DPEP1: variants seen among roughly 807,000 people sequenced by gnomAD.
DPEP1 encodes beta-lactamase.
A neutral mutation model predicts 42.3 loss-of-function variants in DPEP1; 50 were observed. The ratio of observed to expected loss-of-function variants is 1.18; its 90% confidence interval spans 0.94 to 1.50. The LOEUF is 1.50. DPEP1 is among the 40% of genes most tolerant of loss of function. The pLI is 0.00. For synonymous variants in DPEP1, 297 were observed against 234.0 expected, an observed-to-expected ratio of 1.27 and a Z score of -2.46; for missense variants, 663 against 553.0, an observed-to-expected ratio of 1.20 and a Z score of -1.99.
chr16:89,627,846 G>C (rs999159480), intron 1 of DPEP1, among the ~76,000 whole-genome samples: 5 of 151,696 alleles, frequency 3.3e-5, no homozygotes, highest in Non-Finnish European at 7.4e-5. Flanking sequence ...TTTTAGTAGA[G>C]AAGGGGTTTC....
chr16:89,616,488 C>A (rs914716915), intron 1 of DPEP1, among the ~76,000 whole-genome samples: 8 of 152,216 alleles, frequency 5.3e-5, no homozygotes, highest in African/African-American at 1.9e-4. Context: ...TCTGCATCCC[C>A]GGGGTGGTGA....
Position 89,637,894 on chromosome 16 carries a change from A to G in DPEP1, c.988A>G (p.Arg330Gly). 6.2e-7 allele frequency: 1 copy of G among 1,612,708 alleles called. No homozygotes were observed. The highest frequency in any genetic ancestry group is 8.5e-7 in the Non-Finnish European group (1 of 1,179,862). The change falls in exon 10 of 11, where the codon AGG (arginine) becomes GGG (glycine). Residue 330 changes from arginine to glycine, a missense_variant. By Grantham distance (125) the Arg-to-Gly change is moderately radical. Coordinates refer to ENST00000690203, the MANE Select transcript of DPEP1 (RefSeq NM_001389466.1). ...TCCAGACCTGATCGCTGAGCTGCTC[A>G]GGAGGAACTGGACGGAGGCGGAGGT... ...KYPDLIAELL[R>G]RNWTEAEVKG...
chr16:89,632,061 G>A (rs1458349793), intron 2 of DPEP1, among the ~76,000 whole-genome samples: 1 of 152,032 alleles, frequency 6.6e-6, no homozygotes, highest in Non-Finnish European at 1.5e-5. Context: ...GTTTTGTTTT[G>A]AGACAGAGTC....
In DPEP1 at chr16:89,633,266, C is replaced by G. The variant is rs111622508; in HGVS notation, c.105-2642C>G. On this transcript the variant is annotated intron_variant, in intron 2 of 10. Coordinates refer to ENST00000690203, the MANE Select transcript of DPEP1 (RefSeq NM_001389466.1). The stretch of plus-strand genomic sequence containing the variant: ...GGGCTGGGGAGAGGCCCGTGCCAGC[C>G]CAGGCTGTCATGTGGACTCGCTGTG... Among the ~76,000 whole-genome samples, 1,268 of 152,342 alleles carry G rather than the reference C, an allele frequency of 8.3e-3. 18 individuals carry two copies. Among genetic ancestry groups the G allele is most frequent in the African/African-American group, 0.029 (1,198 of 41,584 alleles).
chr16:89,627,272 CAAAAAA>C (rs751000812), intron 1 of DPEP1, among the ~76,000 whole-genome samples: 1 of 80,598 alleles, frequency 1.2e-5, no homozygotes, highest in East Asian at 3.4e-4. Context: ...GACTCCGTCT[CAAAAAA>C]AAAAAAAAAA....
chr16:89,641,249 C>T (rs746924030), downstream of DPEP1, among the ~76,000 whole-genome samples: 7 of 152,086 alleles, frequency 4.6e-5, no homozygotes, highest in Non-Finnish European at 1.0e-4. Flanking sequence ...GTCAGATCTT[C>T]CACAAGAGAT....
At chr16:89,627,229 C>T (rs577513420) in intron 1 of DPEP1, among the ~76,000 whole-genome samples, 22 of 147,456 alleles carry the variant, frequency 1.5e-4, no homozygotes, top group African/African-American at 5.0e-4. Flanking sequence ...GCTGAGGTTG[C>T]GCCACTGCAC....
At chr16:89,639,525 ACACCCC>A (rs1370982615), downstream of DPEP1, among the ~76,000 whole-genome samples, 1 of 94,350 alleles carries the variant, frequency 1.1e-5, no homozygotes, top group Non-Finnish European at 2.1e-5. Context: ...CCTTGCACAC[ACACCCC>A]CACCTCTGCA....
At chr16:89,633,673 C>T (rs990657082) in intron 2 of DPEP1, among the ~76,000 whole-genome samples, 16 of 152,118 alleles carry the variant, frequency 1.1e-4, no homozygotes, top group Non-Finnish European at 1.8e-4. Flanking sequence ...AGGGAGCTGT[C>T]CTCAAGGAGA....
chr16:89,617,787 G>GCCGGGCGCGGTGGCTCACA (rs2059396434), intron 1 of DPEP1, among the ~76,000 whole-genome samples: 2 of 152,068 alleles, frequency 1.3e-5, no homozygotes, highest in Admixed American at 6.5e-5. Flanking sequence ...GCTGTGGGAG[G>GCCGGGCGCGGTGGCTCACA]CCAAGACGGG....
intron 1 of DPEP1, among the ~76,000 whole-genome samples, chr16:89,630,077 T>C (rs890184668): frequency 3.3e-5 from 5 of 152,194 alleles, no homozygotes; most frequent in Admixed American, 6.5e-5. Context: ...CTCAGCCTGC[T>C]GTCCTTTCAT....
rs575637980 is a variant in DPEP1, at chr16:89,635,946, A to G, written c.143A>G (p.Asn48Ser). The change falls in exon 3 of 11, where the codon AAC becomes AGC. Residue 48 changes from asparagine to serine, a missense_variant. Coordinates refer to ENST00000690203, the MANE Select transcript of DPEP1 (RefSeq NM_001389466.1). ...DLPWQLLDMFNNRLQDERANL... is the reference protein window; with the variant it reads ...DLPWQLLDMFSNRLQDERANL... ...CCCTGGCAGCTGCTGGATATGTTCA[A>G]CAACCGGCTGCAGGACGAGAGGGCC... 8.1e-6 allele frequency: 13 copies of G among 1,611,644 alleles called. No homozygotes were observed. The South Asian group carries it at 8.8e-5, about 11-fold the overall frequency.
chr16:89,625,020 C>CTT (rs1438069642), intron 1 of DPEP1, among the ~76,000 whole-genome samples: 1 of 152,148 alleles, frequency 6.6e-6, no homozygotes, highest in African/African-American at 2.4e-5. Flanking sequence ...CGAGAGCAGC[C>CTT]TTTGATCCTT....
intron 1 of DPEP1, among the ~76,000 whole-genome samples, chr16:89,615,382 G>A (rs1396897017): frequency 5.9e-5 from 9 of 152,184 alleles, no homozygotes; most frequent in East Asian, 1.9e-4. Context: ...TGGTCTACAC[G>A]CAGCTCTGGA....
chr16:89,626,831 G>T (rs1335312031), intron 1 of DPEP1, among the ~76,000 whole-genome samples: 1 of 152,010 alleles, frequency 6.6e-6, no homozygotes, highest in Admixed American at 6.6e-5. Flanking sequence ...AAATTACCCA[G>T]TCTTGGCCAG....
Position 89,637,287 on chromosome 16 carries a change from G to T in DPEP1, c.675G>T (p.Gln225His). Residue 225 changes from glutamine (Q) to histidine (H), a missense_variant, in exon 7 of 11, where the codon CAG (glutamine) becomes CAT (histidine). Transcript: ENST00000690203. ...VSVATMKATL[Q>H]LSRAPVIFSH... ...TGGCCACCATGAAGGCCACCCTGCA[G>T]CTGTCCAGAGCCCCGGTCATCTTCA... The T allele has an allele frequency of 6.2e-7, 1 of 1,612,718 alleles. No homozygotes were observed. The highest frequency in any genetic ancestry group is 1.1e-5 in the South Asian group (1 of 91,088).
At chr16:89,640,866 C>T (rs1436421569), downstream of DPEP1, among the ~76,000 whole-genome samples, 1 of 152,078 alleles carries the variant, frequency 6.6e-6, no homozygotes, top group South Asian at 2.1e-4. Flanking sequence ...CACCTGGACG[C>T]GGAGACCGGT....
At chr16:89,637,086 C>G in intron 6 of DPEP1, 118 bp from the exon 7 acceptor site, 2 of 1,530,108 alleles carry the variant, frequency 1.3e-6, no homozygotes, top group Non-Finnish European at 1.8e-6. Flanking sequence ...GTGCTGAGCC[C>G]TGAGTGGCCC....
intron 1 of DPEP1, among the ~76,000 whole-genome samples, chr16:89,618,583 A>G (rs2059405243): frequency 6.6e-6 from 1 of 152,056 alleles, no homozygotes; most frequent in South Asian, 2.1e-4. Flanking sequence ...GTGGGAGTGC[A>G]GCCTCAAGCT....
Sources: gnomAD v4.1 joint callset for allele counts (sites outside exome capture counted in the v4.1 genomes callset) on GRCh38, gnomAD v4.1.1 for gene constraint, MANE v1.5 for transcripts, NCBI Gene and HGNC (gene_info 2026-07-23, HGNC 2026-07-21) for gene names.